The following ATP2C2 variants were observed in gnomAD, a reference collection of about 807,000 sequenced individuals.
ATP2C2 encodes the protein calcium-transporting ATPase type 2C member 2.
A neutral mutation model predicts 110.8 loss-of-function variants in ATP2C2; 171 were observed. The observed-to-expected ratio is 1.54, with a 90% CI of 1.36 to 1.75. The LOEUF is 1.75. Ranked by LOEUF, ATP2C2 falls within the 40% of genes most tolerant of loss-of-function variation. ATP2C2 has a pLI of 0.00. For synonymous variants in ATP2C2, 804 were observed against 508.4 expected (o/e 1.58, Z -7.82); for missense variants, 1,963 against 1,235.0 (o/e 1.59, Z -8.84).
rs368013583 is a variant in ATP2C2, at chr16:84,459,400, G to A, written c.2333+14G>A. On this transcript the variant is annotated intron_variant, in intron 23 of 26. Coordinates refer to ENST00000262429, the MANE Select transcript of ATP2C2 (RefSeq NM_014861.4). ...ACCGGCGCAGAGGTGAGGCAGGGCC[G>A]GCTGGGAGCCCTGTGTCTCTTTACC... 109 of 1,611,838 alleles carry A rather than the reference G, an allele frequency of 6.8e-5. No homozygotes were observed. The highest frequency in any genetic ancestry group is 1.7e-4 in the African/African-American group (13 of 74,904).
In ATP2C2 at chr16:84,377,216, C is replaced by T. The variant is rs574041257; in HGVS notation, c.99+8502C>T. ...AGTAGTGGAAGTTGTGTGCTAAGTC[C>T]TAGTAGTAGTGGAAGTCATGTGCTA... On this transcript the variant is annotated intron_variant, in intron 1 of 26. Coordinates refer to ENST00000262429, the MANE Select transcript of ATP2C2 (RefSeq NM_014861.4). Among the ~76,000 whole-genome samples the T allele has an allele frequency of 5.9e-5, 9 of 151,760 alleles. No homozygotes were observed. The East Asian group carries it at 1.4e-3, about 23-fold the overall frequency.
chr16:84,410,466 G>A, intron 4 of ATP2C2, 102 bp from the exon 5 acceptor site: 1 of 1,346,228 alleles, frequency 7.4e-7, no homozygotes. Flanking sequence ...TTTGCAAGAA[G>A]AAAGGAAATC....
At chr16:84,416,003 C>G (rs1010050552) in intron 7 of ATP2C2, among the ~76,000 whole-genome samples, 2 of 152,100 alleles carry the variant, frequency 1.3e-5, no homozygotes, top group African/African-American at 4.8e-5. Flanking sequence ...CATGGTGAAA[C>G]TCTCTACTAA....
intron 1 of ATP2C2, among the ~76,000 whole-genome samples, chr16:84,376,728 C>T (rs1402829237): frequency 3.3e-5 from 5 of 152,112 alleles, no homozygotes; most frequent in Admixed American, 6.6e-5. Context: ...TGCCAAGCCC[C>T]GGGCACACAT....
chr16:84,374,490 T>C (rs1333993827), intron 1 of ATP2C2, among the ~76,000 whole-genome samples: 1 of 152,194 alleles, frequency 6.6e-6, no homozygotes, highest in East Asian at 1.9e-4. Context: ...CTCAGAAAAC[T>C]TGAAGGCTCC....
chr16:84,463,953 C>A lies in ATP2C2; in HGVS notation c.*221C>A. 1.9e-6 allele frequency: 1 copy of A among 532,378 alleles called. No homozygotes were observed. The highest frequency in any genetic ancestry group is 3.4e-6 in the Non-Finnish European group (1 of 297,270). The allele number at this position is 532,378 out of a possible 1,614,324, so 33.0% of individuals were successfully genotyped here. Reference sequence around the variant, plus strand: ...TGGCTGTGGGACAGACAGGGAGGGGCCTGTACAGAAACACCACACTGTTTA... The same window carrying A: ...TGGCTGTGGGACAGACAGGGAGGGGACTGTACAGAAACACCACACTGTTTA... On this transcript the variant is annotated 3_prime_UTR_variant, in exon 27 of 27. Coordinates refer to ENST00000262429, the MANE Select transcript of ATP2C2 (RefSeq NM_014861.4).
At chr16:84,459,907 C>T (rs995651527) in intron 23 of ATP2C2, 2 of 315,702 alleles carry the variant, frequency 6.3e-6, no homozygotes, top group South Asian at 3.6e-5. Context: ...CAGGAGTCCA[C>T]CCGCTCCGCC....
intron 16 of ATP2C2, 49 bp downstream of exon 16, chr16:84,446,479 C>G: frequency 7.3e-7 from 1 of 1,376,532 alleles, no homozygotes; most frequent in South Asian, 1.4e-5. Context: ...CCCGGGCCCC[C>G]ACCCAGAGAT....
Position 84,415,522 on chromosome 16 carries a change from A to G in ATP2C2, c.555A>G (p.Glu185=). Residue 185 remains glutamate, a synonymous_variant, in exon 7 of 27, where the codon GAA becomes GAG. Coordinates refer to ENST00000262429, the MANE Select transcript of ATP2C2 (RefSeq NM_014861.4). ...AACTCCAGCACCTGCTTGCTCGAGA[A>G]CTGGTTCCTGGTGATGTCGTATCTC... ...EGKLQHLLAR[E]LVPGDVVSLS... is the part of the protein sequence containing the mutation. 2 of 1,614,182 alleles carry G rather than the reference A, an allele frequency of 1.2e-6. No homozygotes were observed. Among genetic ancestry groups the G allele is most frequent in the Non-Finnish European group, 1.7e-6 (2 of 1,180,034 alleles).
intron 1 of ATP2C2, among the ~76,000 whole-genome samples, chr16:84,371,430 G>A (rs1051197972): frequency 6.6e-6 from 1 of 152,166 alleles, no homozygotes; most frequent in Non-Finnish European, 1.5e-5. Flanking sequence ...GCTTGCACCT[G>A]GGAGGTCAAG....
intron 11 of ATP2C2, among the ~76,000 whole-genome samples, chr16:84,430,153 G>A (rs150885324): frequency 2.0e-5 from 3 of 152,306 alleles, no homozygotes; most frequent in African/African-American, 7.2e-5. Flanking sequence ...CCAGGAGTTA[G>A]GATGTGAACA....
At chr16:84,387,064 G>A (rs1904352986) in intron 1 of ATP2C2, among the ~76,000 whole-genome samples, 2 of 152,108 alleles carry the variant, frequency 1.3e-5, no homozygotes, top group Admixed American at 6.6e-5. Context: ...CAGATCTGAG[G>A]GAAAAACTGT....
intron 7 of ATP2C2, among the ~76,000 whole-genome samples, chr16:84,417,031 A>T (rs902661904): frequency 7.9e-5 from 12 of 152,104 alleles, no homozygotes; most frequent in Non-Finnish European, 1.8e-4. Context: ...GTGGCCAATG[A>T]CCTGGGGTTG....
chr16:84,454,735 G>A, intron 20 of ATP2C2, 83 bp from the exon 21 acceptor site: 1 of 1,410,352 alleles, frequency 7.1e-7, no homozygotes, highest in African/African-American at 1.5e-5. Flanking sequence ...AGAGGTGTCT[G>A]TGGCTGGCCA....
rs1357533231 is a variant in ATP2C2 at position 84,409,605 on chromosome 16, G to A, written c.418-963G>A. ...GCTCAGTACAACCTCTGCTTCTCCT[G>A]CCTCAGCCTTCTGAGCAGCTGGGAT... On this transcript the variant is annotated intron_variant, in intron 4 of 26. Transcript: ENST00000262429. Among the ~76,000 whole-genome samples the A allele has an allele frequency of 2.0e-5, 3 of 152,022 alleles. No homozygotes were observed. The East Asian group carries it at 5.8e-4, about 29-fold the overall frequency.
At position 84,410,752 on chromosome 16, in the gene ATP2C2, C is replaced by G. The variant is rs367697150; in HGVS notation, c.502C>G (p.Pro168Ala). The change falls in exon 6 of 27, where the codon CCA (proline) becomes GCA (alanine). Residue 168 changes from proline to alanine, a missense_variant. Coordinates refer to ENST00000262429, the MANE Select transcript of ATP2C2 (RefSeq NM_014861.4). The stretch of plus-strand genomic sequence containing the variant: ...GGAAGAGCTGACCAAGCTGGTTCCT[C>G]CAGAATGTAACTGGTAAGTCAGAGC... ...SLEELTKLVP[P>A]ECNCLREGKL... 3 of 1,613,960 alleles carry G rather than the reference C, an allele frequency of 1.9e-6. No homozygotes were observed. In the African/African-American group the frequency reaches 4.0e-5, roughly 22 times the overall value.
intron 9 of ATP2C2, 126 bp from the exon 10 acceptor site, chr16:84,423,062 T>G (rs763671229): frequency 2.0e-5 from 15 of 748,886 alleles, no homozygotes; most frequent in Non-Finnish European, 3.4e-5. Flanking sequence ...TCAATGAATG[T>G]TGACATATGT....
rs148218085 is a variant in ATP2C2, at chr16:84,460,643, G to C, written c.2334-11G>C. 2.8e-5 allele frequency: 45 copies of C among 1,614,214 alleles called. No individual in the cohort carries two copies. In the African/African-American group the frequency reaches 5.6e-4, roughly 20 times the overall value. ...GTTCATTTCAAAGTGTCTGTGTCTT[G>C]TTCGGAGCAGCTTGGGGGTAGAGCC... is the stretch of plus-strand genomic sequence containing the variant. On this transcript the variant is annotated splice_polypyrimidine_tract_variant and intron_variant, in intron 23 of 26. Coordinates refer to ENST00000262429, the MANE Select transcript of ATP2C2 (RefSeq NM_014861.4).
chr16:84,452,086 C>G lies in ATP2C2; in HGVS notation c.1826C>G (p.Ala609Gly), dbSNP rs975512204. The G allele has an allele frequency of 4.3e-6, 7 of 1,613,800 alleles. No homozygotes were observed. The highest frequency in any genetic ancestry group is 5.9e-6 in the Non-Finnish European group (7 of 1,179,982). Residue 609 changes from alanine to glycine, a missense_variant, in exon 18 of 27, where the codon GCC becomes GGC. Physicochemically the swap from Ala to Gly is moderately conservative, Grantham distance 60. Transcript: ENST00000262429. ...GGGGATGCCCTGGAGACGGCCTTGG[C>G]CATAGGTAACTGGGACAGGGTCGGG... ...ITGDALETAL[A>G]IGRNIGLCNG...
Sources: gnomAD v4.1 joint callset for allele counts (sites outside exome capture counted in the v4.1 genomes callset) on GRCh38, gnomAD v4.1.1 for gene constraint, MANE v1.5 for transcripts, NCBI Gene and HGNC (gene_info 2026-07-23, HGNC 2026-07-21) for gene names.